Variants in ST6GALNAC3 observed in about 807,000 individuals in gnomAD.
ST6GALNAC3 encodes the protein ST6 N-acetylgalactosaminide alpha-2,6-sialyltransferase 3.
In ST6GALNAC3, 25 loss-of-function variants were observed where a neutral mutation model predicts 32.7. The observed-to-expected ratio is 0.76, with a 90% CI of 0.56 to 1.07. The LOEUF is 1.07. Among genes scored for constraint, ST6GALNAC3 ranks in the 50% least tolerant of loss-of-function variants. The pLI, the probability that ST6GALNAC3 is intolerant of heterozygous loss-of-function variation, is 0.00. For missense variants in ST6GALNAC3, 355 were observed against 382.4 expected (o/e 0.93, Z 0.60); for synonymous variants, 129 against 133.1 (o/e 0.97, Z 0.21).
downstream of ST6GALNAC3, among the ~76,000 whole-genome samples, chr1:76,636,582 A>G (rs547655944): frequency 2.1e-4 from 32 of 152,290 alleles, 1 homozygote; most frequent in African/African-American, 7.7e-4. Context: ...ATCACAGGGC[A>G]TATTTCTATA....
chr1:76,533,873 C>T (rs1356977947), intron 3 of ST6GALNAC3, among the ~76,000 whole-genome samples: 1 of 152,114 alleles, frequency 6.6e-6, no homozygotes, highest in Non-Finnish European at 1.5e-5. Flanking sequence ...TTTCTTCCTA[C>T]TCCTTTCCCC....
At chr1:76,082,373 G>A (rs1188610037) in intron 1 of ST6GALNAC3, among the ~76,000 whole-genome samples, 2 of 152,128 alleles carry the variant, frequency 1.3e-5, no homozygotes, top group African/African-American at 4.8e-5. Flanking sequence ...CAGCCATTCT[G>A]ATGTACACGT....
At chr1:76,244,360 G>T (rs1054485029) in intron 1 of ST6GALNAC3, among the ~76,000 whole-genome samples, 1 of 152,004 alleles carries the variant, frequency 6.6e-6, no homozygotes, top group African/African-American at 2.4e-5. Context: ...GAGATGATGG[G>T]GTTTTCTAAA....
At chr1:76,174,103 T>G (rs981442062) in intron 1 of ST6GALNAC3, among the ~76,000 whole-genome samples, 30 of 152,244 alleles carry the variant, frequency 2.0e-4, no homozygotes, top group Non-Finnish European at 3.7e-4. Context: ...CCGTCAATGA[T>G]AGAATGGATA....
chr1:76,152,247 C>T (rs1466924390), intron 1 of ST6GALNAC3, among the ~76,000 whole-genome samples: 1 of 152,234 alleles, frequency 6.6e-6, no homozygotes, highest in African/African-American at 2.4e-5. Context: ...GGGCTTCTAG[C>T]TTTTTGCTTT....
At chr1:76,249,479 AT>A (rs1443747792) in intron 1 of ST6GALNAC3, among the ~76,000 whole-genome samples, 1 of 151,908 alleles carries the variant, frequency 6.6e-6, no homozygotes, top group Non-Finnish European at 1.5e-5. Flanking sequence ...CATTCTTTTT[AT>A]TGCCACATAT....
intron 1 of ST6GALNAC3, among the ~76,000 whole-genome samples, chr1:76,270,785 G>C (rs1412185430): frequency 6.6e-6 from 1 of 152,200 alleles, no homozygotes; most frequent in Non-Finnish European, 1.5e-5. Flanking sequence ...TCACCTCTGT[G>C]AGGGGTACGT....
At chr1:76,385,162 G>C (rs1217241019) in intron 2 of ST6GALNAC3, among the ~76,000 whole-genome samples, 1 of 152,062 alleles carries the variant, frequency 6.6e-6, no homozygotes. Flanking sequence ...AAAAAATGCA[G>C]AAGCATTTTC....
At chr1:76,176,671 G>T (rs1201949480) in intron 1 of ST6GALNAC3, among the ~76,000 whole-genome samples, 1 of 152,014 alleles carries the variant, frequency 6.6e-6, no homozygotes, top group Non-Finnish European at 1.5e-5. Flanking sequence ...GCTTAAATGA[G>T]TGAAATTATA....
chr1:76,313,946 T>C lies in ST6GALNAC3; in HGVS notation c.160T>C (p.Tyr54His), dbSNP rs1421199744. ...AAAGTGGATACCATTCTCCTACACA[T>C]ACAGGCGGCCCCTTCGAACTCACTA... ...GTKWIPFSYTYRRPLRTHYGY... is the reference protein window; with the variant it reads ...GTKWIPFSYTHRRPLRTHYGY... Residue 54 changes from tyrosine to histidine, a missense_variant, in exon 2 of 5, where the codon TAC becomes CAC. By Grantham distance (83) the Tyr-to-His change is moderately conservative. Coordinates refer to ENST00000328299, the MANE Select transcript of ST6GALNAC3 (RefSeq NM_152996.4). 6.2e-7 allele frequency: 1 copy of C among 1,613,462 alleles called. No homozygotes were observed. The highest frequency in any genetic ancestry group is 2.2e-5 in the East Asian group (1 of 44,840).
intron 2 of ST6GALNAC3, among the ~76,000 whole-genome samples, chr1:76,361,501 C>T (rs1313679691): frequency 6.6e-6 from 1 of 152,182 alleles, no homozygotes; most frequent in Non-Finnish European, 1.5e-5. Flanking sequence ...GTTGCTTCCA[C>T]TTCTTGACTA....
At chr1:76,540,654 A>G (rs192130345) in intron 3 of ST6GALNAC3, among the ~76,000 whole-genome samples, 253 of 152,246 alleles carry the variant, frequency 1.7e-3, no homozygotes, top group Non-Finnish European at 2.5e-3. Flanking sequence ...TTTTTCTTAT[A>G]TGGTATAAAT....
chr1:76,290,960 T>C, intron 1 of ST6GALNAC3, among the ~76,000 whole-genome samples: 1 of 152,172 alleles, frequency 6.6e-6, no homozygotes, highest in Non-Finnish European at 1.5e-5. Context: ...CACCGTGTTA[T>C]CTAACCACAG....
At chr1:76,334,520 T>A (rs1460854512) in intron 2 of ST6GALNAC3, among the ~76,000 whole-genome samples, 1 of 152,222 alleles carries the variant, frequency 6.6e-6, no homozygotes, top group Non-Finnish European at 1.5e-5. Context: ...ATGTTAGAAG[T>A]ACAAATAAAG....
chr1:76,391,585 T>C (rs1652563755), intron 2 of ST6GALNAC3, among the ~76,000 whole-genome samples: 1 of 114,942 alleles, frequency 8.7e-6, no homozygotes, highest in Non-Finnish European at 1.7e-5. Flanking sequence ...CCACTTCCCT[T>C]TCACCTTCCC....
At chr1:76,605,549 A>AC (rs952424368) in intron 3 of ST6GALNAC3, among the ~76,000 whole-genome samples, 1 of 152,052 alleles carries the variant, frequency 6.6e-6, no homozygotes, top group African/African-American at 2.4e-5. Flanking sequence ...TACAAGAAAA[A>AC]AAAACAAACA....
rs141728563 is a variant in ST6GALNAC3, at chr1:76,597,522, G to A, written c.624-29930G>A. On this transcript the variant is annotated intron_variant, in intron 3 of 4. Transcript: ENST00000328299. Reference sequence around the variant, plus strand: ...AAACCCTGTCCAGAATTTTGGAATCGCCTCCCAGATACTTTATCTAGAGAC... The same window carrying A: ...AAACCCTGTCCAGAATTTTGGAATCACCTCCCAGATACTTTATCTAGAGAC... Among the ~76,000 whole-genome samples the A allele has an allele frequency of 6.0e-3, 908 of 152,020 alleles. 10 individuals carry two copies. Among genetic ancestry groups the A allele is most frequent in the Admixed American group, 0.035 (532 of 15,246 alleles).
At chr1:76,111,442 A>G (rs960382372) in intron 1 of ST6GALNAC3, among the ~76,000 whole-genome samples, 11 of 84,366 alleles carry the variant, frequency 1.3e-4, no homozygotes, top group African/African-American at 6.0e-4. Context: ...TTTTTTTTTC[A>G]TAATAAAATA....
At chr1:76,130,685 G>T (rs192294695) in intron 1 of ST6GALNAC3, among the ~76,000 whole-genome samples, 60 of 152,310 alleles carry the variant, frequency 3.9e-4, no homozygotes, top group Middle Eastern at 3.4e-3. Context: ...ATGAGCACTT[G>T]AGGCCTCAGA....
Sources: allele counts gnomAD v4.1 joint callset (sites outside exome capture counted in the v4.1 genomes callset), GRCh38; gene constraint gnomAD v4.1.1; transcripts MANE v1.5; gene names NCBI Gene and HGNC (gene_info 2026-07-23, HGNC 2026-07-21).